Variants in DAB1 observed in about 807,000 individuals in gnomAD.
The protein encoded by DAB1 is DAB adaptor protein 1.
In DAB1, 15 loss-of-function variants were observed where a neutral mutation model predicts 64.6. The observed-to-expected ratio is 0.23, with a 90% CI of 0.16 to 0.36. The LOEUF is 0.36. DAB1 is among the 10% of genes least tolerant of loss of function. DAB1 has a pLI of 1.00. For missense variants in DAB1, 596 were observed against 706.7 expected, an observed-to-expected ratio of 0.84 and a Z score of 1.78; for synonymous variants, 235 against 251.9, an observed-to-expected ratio of 0.93 and a Z score of 0.64.
At chr1:58,190,462 T>G (rs1170391112) in intron 4 of DAB1, among the ~76,000 whole-genome samples, 2 of 152,174 alleles carry the variant, frequency 1.3e-5, no homozygotes, top group East Asian at 3.9e-4. Context: ...AGTTTCATGC[T>G]AGCAGTCTGT....
At chr1:57,790,855 A>G (rs1205163835) in intron 6 of DAB1, among the ~76,000 whole-genome samples, 4 of 152,182 alleles carry the variant, frequency 2.6e-5, no homozygotes, top group African/African-American at 9.7e-5. Context: ...ATGTATATAA[A>G]GCACCTGGTG....
rs114193853 is a variant in DAB1 at position 57,045,946 on chromosome 1, G to A, written c.723+16938C>T. Among the ~76,000 whole-genome samples, 1,373 of 152,154 alleles carry A rather than the reference G, an allele frequency of 9.0e-3. 24 individuals are homozygous for A. The highest frequency in any genetic ancestry group is 0.032 in the African/African-American group (1,309 of 41,518). On this transcript the variant is annotated intron_variant, in intron 9 of 14. Coordinates refer to ENST00000371236, the MANE Select transcript of DAB1 (RefSeq NM_001365792.1). The stretch of plus-strand genomic sequence containing the variant: ...CACCTTAATAGCAGACCTTCCTTTC[G>A]GCATAAGTAGAGAAGCAAGGGATTT...
intron 3 of DAB1, among the ~76,000 whole-genome samples, chr1:58,349,013 T>A (rs1644026711): frequency 6.6e-6 from 1 of 152,202 alleles, no homozygotes; most frequent in African/African-American, 2.4e-5. Flanking sequence ...GAAGAGTGTC[T>A]GGCTCCCTGC....
intron 1 of DAB1, among the ~76,000 whole-genome samples, chr1:57,363,943 G>A (rs1162479267): frequency 1.3e-5 from 2 of 152,104 alleles, no homozygotes; most frequent in Admixed American, 6.5e-5. Flanking sequence ...GTCCTAGAGA[G>A]TTTTTTTAAA....
At chr1:57,476,209 A>C (rs2101222426) in intron 7 of DAB1, among the ~76,000 whole-genome samples, 1 of 151,282 alleles carries the variant, frequency 6.6e-6, no homozygotes, top group Admixed American at 6.6e-5. Context: ...CTGGGCAACA[A>C]GAGAGAAACT....
At chr1:58,187,645 T>C (rs1657157333) in intron 4 of DAB1, among the ~76,000 whole-genome samples, 1 of 151,104 alleles carries the variant, frequency 6.6e-6, no homozygotes, top group Non-Finnish European at 1.5e-5. Context: ...AATGGCATGA[T>C]CTTAGCTCAC....
At chr1:57,697,718 T>C (rs927206063) in intron 6 of DAB1, among the ~76,000 whole-genome samples, 23 of 152,158 alleles carry the variant, frequency 1.5e-4, no homozygotes, top group African/African-American at 7.2e-5. Context: ...TTTCCAGTTT[T>C]CTTTGGGAGC....
At chr1:57,176,971 AT>A (rs371746954) in intron 2 of DAB1, among the ~76,000 whole-genome samples, 34,346 of 84,942 alleles carry the variant, frequency 0.4, 6,123 homozygotes, top group Non-Finnish European at 0.45. Context: ...AGCAGCAGAT[AT>A]AAAAAAAAAA....
chr1:58,443,109 C>A (rs143903568), intron 3 of DAB1, among the ~76,000 whole-genome samples: 2 of 152,304 alleles, frequency 1.3e-5, no homozygotes, highest in Non-Finnish European at 2.9e-5. Context: ...GTAGGTGCAT[C>A]CAGCCCCTGC....
intron 3 of DAB1, among the ~76,000 whole-genome samples, chr1:58,365,335 A>G (rs1644206897): frequency 6.6e-6 from 1 of 152,136 alleles, no homozygotes; most frequent in Admixed American, 6.6e-5. Context: ...ACTCAGACCA[A>G]CTCCTCAAGG....
chr1:58,164,626 C>A (rs1175186365), intron 4 of DAB1, among the ~76,000 whole-genome samples: 1 of 152,162 alleles, frequency 6.6e-6, no homozygotes, highest in African/African-American at 2.4e-5. Context: ...TGATGTGATT[C>A]TCATGCACAC....
intron 1 of DAB1, among the ~76,000 whole-genome samples, chr1:57,830,196 CAACTT>C (rs1308200165): frequency 6.6e-6 from 1 of 152,178 alleles, no homozygotes; most frequent in African/African-American, 2.4e-5. Context: ...TTCAGTCACT[CAACTT>C]AGATGCCCTG....
intron 6 of DAB1, among the ~76,000 whole-genome samples, chr1:57,705,337 A>C (rs1646954755): frequency 6.6e-6 from 1 of 152,152 alleles, no homozygotes; most frequent in African/African-American, 2.4e-5. Flanking sequence ...AGTTCCTGTA[A>C]GTAGCATATA....
intron 2 of DAB1, among the ~76,000 whole-genome samples, chr1:57,273,679 G>T (rs1671233711): frequency 7.2e-6 from 1 of 138,900 alleles, no homozygotes; most frequent in Admixed American, 7.8e-5. Flanking sequence ...AACATGCATT[G>T]TGGTCTGATG....
chr1:57,814,552 A>G (rs1410520744), intron 6 of DAB1, among the ~76,000 whole-genome samples: 2 of 152,224 alleles, frequency 1.3e-5, no homozygotes, highest in East Asian at 1.9e-4. Flanking sequence ...AAGAGCATGT[A>G]TGAGCTATCG....
intron 7 of DAB1, among the ~76,000 whole-genome samples, chr1:57,436,023 TCTC>T (rs1685683433): frequency 6.6e-6 from 1 of 151,528 alleles, no homozygotes; most frequent in Admixed American, 6.6e-5. Context: ...TTCAAGCAAT[TCTC>T]CTGTCTCAGC....
At chr1:58,151,453 C>T (rs1008511861) in intron 4 of DAB1, among the ~76,000 whole-genome samples, 6 of 152,170 alleles carry the variant, frequency 3.9e-5, no homozygotes, top group African/African-American at 1.4e-4. Context: ...GTGATGAGAG[C>T]ATTTTTTCAT....
At chr1:58,243,571 A>G (rs150779353) in intron 4 of DAB1, among the ~76,000 whole-genome samples, 153 of 152,244 alleles carry the variant, frequency 1.0e-3, no homozygotes, top group Non-Finnish European at 1.7e-3. Flanking sequence ...ACTATTGCCA[A>G]CAAGGGAAGA....
At chr1:57,665,681 T>C (rs1646437899) in intron 6 of DAB1, among the ~76,000 whole-genome samples, 1 of 152,120 alleles carries the variant, frequency 6.6e-6, no homozygotes, top group Non-Finnish European at 1.5e-5. Flanking sequence ...AAGGATGCTT[T>C]ATAGTTAAAT....
Sources: gnomAD v4.1 joint callset for allele counts (sites outside exome capture counted in the v4.1 genomes callset) on GRCh38, gnomAD v4.1.1 for gene constraint, MANE v1.5 for transcripts, NCBI Gene and HGNC (gene_info 2026-07-23, HGNC 2026-07-21) for gene names.